Variants in CMTM8 observed in about 807,000 individuals in gnomAD.
CMTM8 encodes CKLF-like MARVEL transmembrane domain-containing protein 8.
CMTM8 carries 12 observed loss-of-function variants against 18.6 expected under a neutral mutation model. The observed-to-expected ratio is 0.65, with a 90% CI of 0.41 to 1.05. CMTM8 has a LOEUF of 1.05. Among genes scored for constraint, CMTM8 ranks in the 50% least tolerant of loss-of-function variants. The pLI is 0.00. For synonymous variants in CMTM8, 87 were observed against 90.6 expected (o/e 0.96, Z 0.23); for missense variants, 217 against 227.2 (o/e 0.95, Z 0.29).
At chr3:32,280,176 A>G (rs971530838) in intron 1 of CMTM8, among the ~76,000 whole-genome samples, 1 of 152,126 alleles carries the variant, frequency 6.6e-6, no homozygotes, top group Non-Finnish European at 1.5e-5. Context: ...CAATGTGGCC[A>G]GGCATAAGTG....
At chr3:32,289,859 G>C (rs184637904) in intron 1 of CMTM8, among the ~76,000 whole-genome samples, 112 of 152,336 alleles carry the variant, frequency 7.4e-4, no homozygotes, top group Non-Finnish European at 1.4e-3. Context: ...GGCCAGTCAT[G>C]ATGGTGCACA....
chr3:32,277,857 T>C (rs1702543226), intron 1 of CMTM8, among the ~76,000 whole-genome samples: 1 of 152,212 alleles, frequency 6.6e-6, no homozygotes, highest in Non-Finnish European at 1.5e-5. Flanking sequence ...CAGTAATCCT[T>C]TGGAGCCAAG....
intron 1 of CMTM8, among the ~76,000 whole-genome samples, chr3:32,340,202 C>T (rs1477225217): frequency 6.6e-6 from 1 of 152,178 alleles, no homozygotes; most frequent in Non-Finnish European, 1.5e-5. Context: ...GGAACTCATC[C>T]AGACAGTAAA....
intron 1 of CMTM8, among the ~76,000 whole-genome samples, chr3:32,324,131 C>T (rs943820311): frequency 5.9e-5 from 9 of 152,228 alleles, no homozygotes; most frequent in African/African-American, 2.2e-4. Context: ...CTGTTTGAAC[C>T]CCTTTGTTAA....
intron 1 of CMTM8, among the ~76,000 whole-genome samples, chr3:32,248,026 T>A (rs1244197448): frequency 6.6e-6 from 1 of 152,234 alleles, no homozygotes; most frequent in Non-Finnish European, 1.5e-5. Flanking sequence ...GGGTCATCCC[T>A]GTTGTAGTAT....
chr3:32,353,326 T>C (rs1696750436), intron 1 of CMTM8, among the ~76,000 whole-genome samples: 1 of 152,164 alleles, frequency 6.6e-6, no homozygotes, highest in South Asian at 2.1e-4. Context: ...CTGAACAATT[T>C]GGTAGTACCT....
intron 3 of CMTM8, among the ~76,000 whole-genome samples, chr3:32,369,616 A>T (rs1029698723): frequency 6.6e-6 from 1 of 152,174 alleles, no homozygotes; most frequent in African/African-American, 2.4e-5. Context: ...CTTTCCTCAG[A>T]TGCACTGCCG....
chr3:32,341,741 G>C (rs1158612816), intron 1 of CMTM8, among the ~76,000 whole-genome samples: 1 of 151,746 alleles, frequency 6.6e-6, no homozygotes, highest in Non-Finnish European at 1.5e-5. Flanking sequence ...GCCAGGTGTG[G>C]TGTCATGTGC....
At chr3:32,315,467 G>A (rs1207541848) in intron 1 of CMTM8, among the ~76,000 whole-genome samples, 12 of 152,096 alleles carry the variant, frequency 7.9e-5, no homozygotes, top group East Asian at 1.9e-4. Flanking sequence ...GAAGAGATGC[G>A]GACACTGAAC....
At chr3:32,348,729 G>C (rs1314655000) in intron 1 of CMTM8, among the ~76,000 whole-genome samples, 2 of 151,652 alleles carry the variant, frequency 1.3e-5, no homozygotes, top group Non-Finnish European at 2.9e-5. Flanking sequence ...TTGAACTCCT[G>C]GGCTCAAGCA....
At chr3:32,311,169 AC>A (rs1400302587) in intron 1 of CMTM8, among the ~76,000 whole-genome samples, 1 of 152,238 alleles carries the variant, frequency 6.6e-6, no homozygotes, top group Non-Finnish European at 1.5e-5. Context: ...TTTTTGTGTG[AC>A]CCGCAAGCTA....
chr3:32,274,101 G>A (rs1333787190), intron 1 of CMTM8, among the ~76,000 whole-genome samples: 2 of 152,090 alleles, frequency 1.3e-5, no homozygotes, highest in Admixed American at 6.6e-5. Flanking sequence ...CTTGAGCCTA[G>A]GAGTTTGAGA....
chr3:32,287,330 A>G (rs1484444449), intron 1 of CMTM8, among the ~76,000 whole-genome samples: 1 of 152,178 alleles, frequency 6.6e-6, no homozygotes. Flanking sequence ...AAGAATTAAA[A>G]TGTTACAGAG....
intron 1 of CMTM8, chr3:32,259,831 G>A (rs1184229706): frequency 9.8e-6 from 8 of 815,788 alleles, no homozygotes; most frequent in Admixed American, 1.7e-5. Flanking sequence ...CACTCACGGA[G>A]CTGAGACATG....
intron 1 of CMTM8, among the ~76,000 whole-genome samples, chr3:32,249,996 A>G (rs1702091913): frequency 6.6e-6 from 1 of 152,174 alleles, no homozygotes. Context: ...ATTTTCTTCT[A>G]AAAGTTGTAG....
upstream of CMTM8, chr3:32,238,555 C>A (rs1047901554): frequency 4.0e-4 from 62 of 154,412 alleles, no homozygotes; most frequent in African/African-American, 1.4e-3. Context: ...CGACGCGGCG[C>A]CTTCTCCGCC....
chr3:32,335,803 G>A (rs537807263), intron 1 of CMTM8, among the ~76,000 whole-genome samples: 1 of 152,314 alleles, frequency 6.6e-6, no homozygotes, highest in Non-Finnish European at 1.5e-5. Flanking sequence ...TAAAGGGCAT[G>A]TATGTCTGCC....
chr3:32,282,048 A>C (rs1702617047), intron 1 of CMTM8, among the ~76,000 whole-genome samples: 1 of 151,938 alleles, frequency 6.6e-6, no homozygotes, highest in Non-Finnish European at 1.5e-5. Flanking sequence ...ATAGGTCCTC[A>C]TTTCTAGCCC....
intron 1 of CMTM8, among the ~76,000 whole-genome samples, chr3:32,303,342 A>G (rs1466209199): frequency 6.6e-6 from 1 of 152,218 alleles, no homozygotes; most frequent in Non-Finnish European, 1.5e-5. Context: ...CCATTATCAT[A>G]TCAGTGAGAT....
Sources: allele counts gnomAD v4.1 joint callset (sites outside exome capture counted in the v4.1 genomes callset), GRCh38; gene constraint gnomAD v4.1.1; transcripts MANE v1.5; gene names NCBI Gene and HGNC (gene_info 2026-07-23, HGNC 2026-07-21).